The following DNAJC15 variants were observed in gnomAD, a reference collection of about 807,000 sequenced individuals.
DNAJC15 encodes dnaJ homolog subfamily C member 15.
A neutral mutation model predicts 22.4 loss-of-function variants in DNAJC15; 27 were observed. The observed-to-expected ratio is 1.20, with a 90% CI of 0.89 to 1.66. The LOEUF is 1.66. Ranked by LOEUF, DNAJC15 falls within the 40% of genes most tolerant of loss-of-function variation. The probability of loss-of-function intolerance (pLI) is 0.00; values close to 1 mark genes in which losing one functional copy is unlikely to be tolerated. For missense variants in DNAJC15, 208 were observed against 187.1 expected (o/e 1.11, Z -0.65); for synonymous variants, 79 against 63.2 (o/e 1.25, Z -1.19).
rs535062694 is a variant in DNAJC15 at position 43,096,311 on chromosome 13, T to G, written c.382+10473T>G. Among the ~76,000 whole-genome samples the G allele has an allele frequency of 2.2e-4, 33 of 152,354 alleles. No homozygotes were observed. The South Asian group carries it at 6.2e-3, about 29-fold the overall frequency. On this transcript the variant is annotated intron_variant, in intron 5 of 5. Transcript: ENST00000379221. Reference sequence around the variant, plus strand: ...CCTAAGCTGCATAAAGGACACATAGTATCTTTATTAAAGACCAAATATTAC... The same window carrying G: ...CCTAAGCTGCATAAAGGACACATAGGATCTTTATTAAAGACCAAATATTAC...
chr13:43,051,659 G>GTGTA (rs138112707), intron 1 of DNAJC15, among the ~76,000 whole-genome samples: 15,765 of 102,546 alleles, frequency 0.15, 889 homozygotes, highest in East Asian at 0.34. Flanking sequence ...GTGTGTGTGT[G>GTGTA]TGTATATATA....
chr13:43,025,544 C>CTACCT (rs2040376766), intron 1 of DNAJC15, among the ~76,000 whole-genome samples: 2 of 152,190 alleles, frequency 1.3e-5, no homozygotes, highest in African/African-American at 4.8e-5. Flanking sequence ...TACCTGTAAA[C>CTACCT]ATAACTTTTA....
At chr13:43,082,473 A>G (rs61950398) in intron 4 of DNAJC15, among the ~76,000 whole-genome samples, 1,529 of 152,314 alleles carry the variant, frequency 0.01, 18 homozygotes, top group Non-Finnish European at 0.017. Flanking sequence ...AATAATAACT[A>G]AAAGGAAATA....
intron 3 of DNAJC15, among the ~76,000 whole-genome samples, chr13:43,074,124 A>T (rs1011870520): frequency 6.6e-6 from 1 of 152,214 alleles, no homozygotes; most frequent in African/African-American, 2.4e-5. Flanking sequence ...AGATTATTGT[A>T]CATAATAAAG....
intron 1 of DNAJC15, among the ~76,000 whole-genome samples, chr13:43,037,037 A>T (rs1050398496): frequency 3.3e-5 from 5 of 152,096 alleles, no homozygotes; most frequent in African/African-American, 1.2e-4. Context: ...TACCCTGCCA[A>T]GCTGATAGGT....
At chr13:43,028,496 C>T (rs1345873824) in intron 1 of DNAJC15, among the ~76,000 whole-genome samples, 3 of 152,212 alleles carry the variant, frequency 2.0e-5, no homozygotes. Flanking sequence ...CTAAACTTCA[C>T]ACTGCCATCA....
intron 1 of DNAJC15, among the ~76,000 whole-genome samples, chr13:43,037,659 T>C (rs2040435004): frequency 6.6e-6 from 1 of 152,208 alleles, no homozygotes; most frequent in Admixed American, 6.5e-5. Flanking sequence ...TGTAATGTTA[T>C]ATAGTAATTG....
intron 1 of DNAJC15, among the ~76,000 whole-genome samples, chr13:43,050,410 A>G (rs529058791): frequency 6.6e-6 from 1 of 151,912 alleles, no homozygotes; most frequent in South Asian, 2.1e-4. Context: ...GGCTCAAGCA[A>G]TCCTTCCACT....
rs1593314804 is a variant in DNAJC15 at position 43,051,347 on chromosome 13, T to TTTTATCTAAA, written c.109-14339_109-14338insTTTATCTAAA. On this transcript the variant is annotated intron_variant, in intron 1 of 5. Coordinates refer to ENST00000379221, the MANE Select transcript of DNAJC15 (RefSeq NM_013238.3). ...TTGGTTACATGGATAAGTTCTTTAGTGGTGACATCTGAGATTTTAGTGTAC... is the reference window on the plus strand; with the variant it reads ...TTGGTTACATGGATAAGTTCTTTAGTTTTATCTAAAGGTGACATCTGAGATTTTAGTGTAC... Among the ~76,000 whole-genome samples the TTTTATCTAAA allele has an allele frequency of 5.9e-5, 9 of 152,284 alleles. No homozygotes were observed. The East Asian group carries it at 1.7e-3, about 29-fold the overall frequency.
intron 1 of DNAJC15, among the ~76,000 whole-genome samples, chr13:43,026,538 G>A (rs1566197869): frequency 6.6e-6 from 1 of 151,950 alleles, no homozygotes; most frequent in Non-Finnish European, 1.5e-5. Flanking sequence ...GAAGATTGTT[G>A]ATAATAACTT....
intron 4 of DNAJC15, among the ~76,000 whole-genome samples, chr13:43,081,569 G>C (rs553658949): frequency 2.6e-4 from 39 of 151,942 alleles, no homozygotes; most frequent in African/African-American, 7.5e-4. Flanking sequence ...CTCCCAAGTA[G>C]CTGGGACTAC....
chr13:43,059,472 C>G (rs925692626), intron 1 of DNAJC15, among the ~76,000 whole-genome samples: 1 of 152,150 alleles, frequency 6.6e-6, no homozygotes, highest in African/African-American at 2.4e-5. Flanking sequence ...TCAAGCGATT[C>G]TCCTGTCTCA....
rs927143854 is a variant in DNAJC15 at position 43,108,617 on chromosome 13, G to A, written c.*1369G>A. ...TTCTCAACCTTGGCATTATTGACATGTTAGGCCAAATAATTTTTTTTGTGG... is the reference window on the plus strand; with the variant it reads ...TTCTCAACCTTGGCATTATTGACATATTAGGCCAAATAATTTTTTTTGTGG... On this transcript the variant is annotated 3_prime_UTR_variant, in exon 6 of 6. Coordinates refer to ENST00000379221, the MANE Select transcript of DNAJC15 (RefSeq NM_013238.3). The A allele has an allele frequency of 1.3e-5, 2 of 152,092 alleles. No individual in the cohort carries two copies. Among genetic ancestry groups the A allele is most frequent in the African/African-American group, 2.4e-5 (1 of 41,416 alleles). The allele number at this position is 152,092 out of a possible 1,614,324, so 9.4% of individuals were successfully genotyped here.
chr13:43,023,613 C>G lies in DNAJC15; in HGVS notation c.-14C>G. 1 of 1,604,442 alleles carries G rather than the reference C, an allele frequency of 6.2e-7. No individual in the cohort carries two copies. Among genetic ancestry groups the G allele is most frequent in the Non-Finnish European group, 8.5e-7 (1 of 1,175,652 alleles). On this transcript the variant is annotated 5_prime_UTR_variant, in exon 1 of 6. Transcript: ENST00000379221. ...TCACTGCCGCGGCGCCTTGAGTCTCCGGGCCGCCTTGCCATGGCTGCCCGT... is the reference window on the plus strand; with the variant it reads ...TCACTGCCGCGGCGCCTTGAGTCTCGGGGCCGCCTTGCCATGGCTGCCCGT...
intron 1 of DNAJC15, among the ~76,000 whole-genome samples, chr13:43,035,007 C>T (rs1360677605): frequency 6.6e-6 from 1 of 152,158 alleles, no homozygotes; most frequent in Non-Finnish European, 1.5e-5. Flanking sequence ...TTTTTATCCT[C>T]CCACCCAAAT....
chr13:43,095,630 T>A (rs1305668571), intron 5 of DNAJC15, among the ~76,000 whole-genome samples: 1 of 151,806 alleles, frequency 6.6e-6, no homozygotes, highest in East Asian at 1.9e-4. Context: ...AACCAAACAC[T>A]TATAGATCAA....
intron 5 of DNAJC15, among the ~76,000 whole-genome samples, chr13:43,090,744 G>T (rs562030297): frequency 3.5e-5 from 5 of 141,794 alleles, no homozygotes; most frequent in Admixed American, 7.4e-5. Flanking sequence ...GTCTTGCTCC[G>T]TTGCCCAGGC....
At chr13:43,024,545 C>T (rs1194840397) in intron 1 of DNAJC15, among the ~76,000 whole-genome samples, 18 of 151,602 alleles carry the variant, frequency 1.2e-4, no homozygotes, top group African/African-American at 3.4e-4. Context: ...GGGGTTTCAC[C>T]GTGTTAGCCA....
At chr13:43,094,703 C>G (rs948594918) in intron 5 of DNAJC15, among the ~76,000 whole-genome samples, 1 of 152,178 alleles carries the variant, frequency 6.6e-6, no homozygotes, top group Non-Finnish European at 1.5e-5. Context: ...GTATCAGGCT[C>G]TATTTTCAAA....
Sources: allele counts gnomAD v4.1 joint callset (sites outside exome capture counted in the v4.1 genomes callset), GRCh38; gene constraint gnomAD v4.1.1; transcripts MANE v1.5; gene names NCBI Gene and HGNC (gene_info 2026-07-23, HGNC 2026-07-21).